Variants in MED12 observed in about 807,000 individuals in gnomAD.
The protein encoded by MED12 is mediator of RNA polymerase II transcription subunit 12.
A neutral mutation model predicts 177.7 loss-of-function variants in MED12; 10 were observed. That is an observed-to-expected ratio of 0.06 (90% confidence interval 0.03 to 0.10). The LOEUF is 0.10. Among genes scored for constraint, MED12 ranks in the 10% least tolerant of loss-of-function variants. MED12 has a pLI of 1.00. For missense variants in MED12, 867 were observed against 1,780.8 expected (o/e 0.49, Z 9.23); for synonymous variants, 641 against 678.4 (o/e 0.94, Z 0.86).
chrX:71,121,705 C>G lies in MED12; in HGVS notation c.990C>G (p.Thr330=). 8.3e-7 allele frequency: 1 copy of G among 1,211,422 alleles called. No homozygotes were observed. Among genetic ancestry groups the G allele is most frequent in the Non-Finnish European group, 1.1e-6 (1 of 895,276 alleles). ...CTCAGTCAACAAGCACGCTACCCAC[C>G]ACCCCTGCTCCTCAGCCCCCAACTA... ...ISAQSTSTLP[T]TPAPQPPTSS... is the part of the protein sequence containing the mutation. Residue 330 remains threonine (T), a synonymous_variant, in exon 7 of 45, where the codon ACC becomes ACG. Transcript: ENST00000374080.
Position 71,130,352 on chromosome X carries a change from G to A in MED12, c.4047+138G>A, listed in dbSNP as rs1000933391. 24 of 621,575 alleles carry A rather than the reference G, an allele frequency of 3.9e-5. No homozygotes were observed. The South Asian group carries it at 5.3e-4, about 14-fold the overall frequency. The allele number at this position is 621,575 out of a possible 1,213,427, so 51.2% of individuals were successfully genotyped here. On this transcript the variant is annotated intron_variant, in intron 28 of 44. Coordinates refer to ENST00000374080, the MANE Select transcript of MED12 (RefSeq NM_005120.3). ...GGATATAGGGGAGGGGAGAGGTAGC[G>A]AGAGAAACAGCTCCAGCATGGGCTG...
In MED12 at chrX:71,129,631, G is replaced by A. The variant is rs757808610; in HGVS notation, c.3692-49G>A. 24 of 1,161,529 alleles carry A rather than the reference G, an allele frequency of 2.1e-5. No individual in the cohort carries two copies. In the East Asian group the frequency reaches 4.9e-4, roughly 24 times the overall value. ...GTGGGCCCAGGGTGGGTCTCCACAC[G>A]TGTTCCAATCTCACTCTGCCCTCCC... On this transcript the variant is annotated intron_variant, in intron 26 of 44. Transcript: ENST00000374080.
rs767078113 is a variant in MED12, at chrX:71,118,708, A to T, written c.-47A>T. ...TCCCTCTCCCCCTTCCCGTTCCCCC[A>T]GTCAGCCTGGCCCTGCTGGTGCCTC... On this transcript the variant is annotated 5_prime_UTR_variant, in exon 1 of 45. Transcript: ENST00000374080. 9.1e-5 allele frequency: 103 copies of T among 1,135,790 alleles called. No homozygotes were observed. Among genetic ancestry groups the T allele is most frequent in the Middle Eastern group, 2.6e-4 (1 of 3,800 alleles). The allele number at this position is 1,135,790 out of a possible 1,213,427, so 93.6% of individuals were successfully genotyped here.
At chrX:71,136,783 T>C in intron 37 of MED12, 96 bp from the exon 38 acceptor site, 1 of 1,185,993 alleles carries the variant, frequency 8.4e-7, no homozygotes, top group Non-Finnish European at 1.1e-6. Context: ...AAATTAACCA[T>C]ATACGAATTC....
intron 43 of MED12, 92 bp from the exon 44 acceptor site, chrX:71,141,788 CGAG>C (rs1461427496): frequency 2.6e-6 from 2 of 779,862 alleles, no homozygotes; most frequent in African/African-American, 4.3e-5. Context: ...GGGGACAGAG[CGAG>C]ACTCCATCTC....
At chrX:71,134,185 C>T (rs182047970) in intron 33 of MED12, among the ~76,000 whole-genome samples, 172 bp from the exon 34 acceptor site, 1 of 102,125 alleles carries the variant, frequency 9.8e-6, no homozygotes, top group East Asian at 3.1e-4. Flanking sequence ...AAGCCGAGGT[C>T]GCGCCACTGC....
At position 71,142,330 on chromosome X, in the gene MED12, C is replaced by G. The variant is rs1310819182; in HGVS notation, c.*112C>G. ...GTGGTTGGGGCCCTCCCCTCAGGCT[C>G]CATTTTTAATAAGTTTTTAGTATTT... On this transcript the variant is annotated 3_prime_UTR_variant, in exon 45 of 45. Coordinates refer to ENST00000374080, the MANE Select transcript of MED12 (RefSeq NM_005120.3). 1.6e-5 allele frequency: 12 copies of G among 767,101 alleles called. No homozygotes were observed. The highest frequency in any genetic ancestry group is 2.3e-5 in the South Asian group (1 of 43,970). The allele number at this position is 767,101 out of a possible 1,213,427, so 63.2% of individuals were successfully genotyped here.
chrX:71,119,608 T>C (rs1384580279), intron 2 of MED12, 78 bp from the exon 3 acceptor site: 11 of 1,132,342 alleles, frequency 9.7e-6, no homozygotes, highest in Non-Finnish European at 1.2e-5. Context: ...TACTATCTCA[T>C]TGGCATTTGC....
At position 71,124,775 on chromosome X, in the gene MED12, C is replaced by G; in HGVS notation, c.1986C>G (p.Leu662=). The G allele has an allele frequency of 8.3e-7, 1 of 1,209,761 alleles. No homozygotes were observed. The highest frequency in any genetic ancestry group is 1.1e-6 in the Non-Finnish European group (1 of 893,931). The change falls in exon 14 of 45, where the codon CTC becomes CTG. Residue 662 remains leucine (L), a synonymous_variant. Coordinates refer to ENST00000374080, the MANE Select transcript of MED12 (RefSeq NM_005120.3). The stretch of plus-strand genomic sequence containing the variant: ...TTCTATGCCCTCAGGATCCAGGGCT[C>G]TCAGAATCTATGGACATTGACCCTA... ...SSSSKLEDPG[L]SESMDIDPSS...
At chrX:71,129,598 C>T in intron 26 of MED12, 82 bp from the exon 27 acceptor site, 1 of 1,124,183 alleles carries the variant, frequency 8.9e-7, no homozygotes, top group South Asian at 1.9e-5. Context: ...TGGGGTGTTT[C>T]TACCTCTGTG....
intron 34 of MED12, 118 bp from the exon 35 acceptor site, chrX:71,134,595 G>A: frequency 9.4e-7 from 1 of 1,062,588 alleles, no homozygotes. Context: ...TCCCCATACA[G>A]TTTTGGTGCC....
intron 21 of MED12, 38 bp from the exon 22 acceptor site, chrX:71,127,855 T>A (rs1323046239): frequency 9.2e-7 from 1 of 1,091,139 alleles, no homozygotes; most frequent in Non-Finnish European, 1.3e-6. Flanking sequence ...CAGCAGGCCT[T>A]CTTCAACACT....
intron 36 of MED12, among the ~76,000 whole-genome samples, chrX:71,135,764 G>A (rs929815193): frequency 6.3e-5 from 7 of 110,925 alleles, no homozygotes; most frequent in Admixed American, 9.6e-5. Context: ...CTTTTCCTCC[G>A]TCTCTGTCTC....
At chrX:71,126,613 C>A (rs2092304020) in intron 19 of MED12, 129 bp downstream of exon 19, 2 of 842,967 alleles carry the variant, frequency 2.4e-6, no homozygotes, top group East Asian at 3.1e-5. Flanking sequence ...GAAAGACTAG[C>A]ATGGGGGGAG....
intron 26 of MED12, 78 bp from the exon 27 acceptor site, chrX:71,129,602 C>T: frequency 8.9e-7 from 1 of 1,128,454 alleles, no homozygotes. Context: ...GTGTTTCTAC[C>T]TCTGTGGGCC....
chrX:71,119,588 C>A, intron 2 of MED12, 98 bp from the exon 3 acceptor site: 1 of 1,100,900 alleles, frequency 9.1e-7, no homozygotes, highest in Non-Finnish European at 1.2e-6. Context: ...AGTTTGCCTT[C>A]ATGACCTAAT....
At position 71,129,760 on chromosome X, in the gene MED12, A is replaced by C; in HGVS notation, c.3772A>C (p.Ser1258Arg). 8.3e-7 allele frequency: 1 copy of C among 1,208,453 alleles called. No homozygotes were observed. Among genetic ancestry groups the C allele is most frequent in the Non-Finnish European group, 1.1e-6 (1 of 893,776 alleles). ...ELPEEEGGGG[S>R]GGRRQGGRNI... ...TCCAGAGGAGGAGGGAGGAGGTGGC[A>C]GTGGTGGTCGGAGGCAGGGTGGCCG... The change falls in exon 27 of 45, where the codon AGT becomes CGT. Residue 1258 changes from serine to arginine, a missense_variant. Coordinates refer to ENST00000374080, the MANE Select transcript of MED12 (RefSeq NM_005120.3).
chrX:71,118,727 G>T lies in MED12; in HGVS notation c.-28G>T, dbSNP rs373552360. On this transcript the variant is annotated 5_prime_UTR_variant, in exon 1 of 45. Transcript: ENST00000374080. ...TCCCCCAGTCAGCCTGGCCCTGCTG[G>T]TGCCTCCGGCGCTACGGGCTGGGCA... The T allele has an allele frequency of 9.3e-5, 110 of 1,188,876 alleles. No individual in the cohort carries two copies. Among genetic ancestry groups the T allele is most frequent in the Non-Finnish European group, 1.2e-4 (109 of 882,044 alleles).
At chrX:71,136,770 T>C in intron 37 of MED12, 109 bp from the exon 38 acceptor site, 1 of 1,186,428 alleles carries the variant, frequency 8.4e-7, no homozygotes, top group East Asian at 3.0e-5. Flanking sequence ...AGAATCATAA[T>C]AAAAATTAAC....
Sources: allele counts gnomAD v4.1 joint callset (sites outside exome capture counted in the v4.1 genomes callset), GRCh38; gene constraint gnomAD v4.1.1; transcripts MANE v1.5; gene names NCBI Gene and HGNC (gene_info 2026-07-23, HGNC 2026-07-21).